CPPED1: variants seen among roughly 807,000 people sequenced by gnomAD.
The protein encoded by CPPED1 is serine/threonine-protein phosphatase CPPED1.
A neutral mutation model predicts 28.0 loss-of-function variants in CPPED1; 28 were observed. That is an observed-to-expected ratio of 1.00 (90% CI 0.74 to 1.37). CPPED1 has a LOEUF of 1.37. Ranked by LOEUF, CPPED1 falls within the 40% of genes most tolerant of loss-of-function variation. The pLI is 0.00. For missense variants in CPPED1, 504 were observed against 416.5 expected (o/e 1.21, Z -1.83); for synonymous variants, 198 against 180.2 (o/e 1.10, Z -0.79).
At chr16:12,730,891 A>G (rs939158410) in intron 2 of CPPED1, among the ~76,000 whole-genome samples, 6 of 152,290 alleles carry the variant, frequency 3.9e-5, no homozygotes, top group Middle Eastern at 3.4e-3. Flanking sequence ...CATTACCCGC[A>G]TTTTAGTTCC....
At chr16:12,727,348 A>C (rs1308840451) in intron 2 of CPPED1, among the ~76,000 whole-genome samples, 1 of 152,104 alleles carries the variant, frequency 6.6e-6, no homozygotes, top group Non-Finnish European at 1.5e-5. Flanking sequence ...TGGATATCAA[A>C]GCCTTTTGTT....
chr16:12,724,051 T>G (rs1252203929), intron 2 of CPPED1, among the ~76,000 whole-genome samples: 1 of 151,942 alleles, frequency 6.6e-6, no homozygotes, highest in Non-Finnish European at 1.5e-5. Flanking sequence ...AGAGCATACT[T>G]CCCCAAATAA....
intron 1 of CPPED1, among the ~76,000 whole-genome samples, chr16:12,789,566 C>T (rs1225604175): frequency 6.6e-6 from 1 of 151,772 alleles, no homozygotes; most frequent in Non-Finnish European, 1.5e-5. Flanking sequence ...CACTCTGTCA[C>T]CCAGGTTGGA....
chr16:12,705,053 G>A lies in CPPED1; in HGVS notation c.290-4C>T. The stretch of plus-strand genomic sequence containing the variant: ...TGCTCCGTCCGCCACGGCTTCCCTG[G>A]AAGAGTGAGGGTCACGTCCTGAGAA... On this transcript the variant is annotated splice_polypyrimidine_tract_variant and splice_region_variant and intron_variant, in intron 2 of 3. Coordinates refer to ENST00000381774, the MANE Select transcript of CPPED1 (RefSeq NM_018340.3). 1 of 1,603,140 alleles carries A rather than the reference G, an allele frequency of 6.2e-7. No individual in the cohort carries two copies. Among genetic ancestry groups the A allele is most frequent in the Non-Finnish European group, 8.5e-7 (1 of 1,172,460 alleles).
chr16:12,685,618 A>G (rs112694696), intron 3 of CPPED1, among the ~76,000 whole-genome samples: 2,863 of 152,136 alleles, frequency 0.019, 87 homozygotes, highest in African/African-American at 0.066. Flanking sequence ...GGACAAGGAC[A>G]TTTTTCTTCC....
chr16:12,738,195 A>G (rs2080236908), intron 2 of CPPED1, among the ~76,000 whole-genome samples: 1 of 152,204 alleles, frequency 6.6e-6, no homozygotes, highest in Non-Finnish European at 1.5e-5. Flanking sequence ...AGCCGTTCAC[A>G]ATGATGCTTG....
At chr16:12,672,712 T>C (rs2079858704) in intron 3 of CPPED1, among the ~76,000 whole-genome samples, 1 of 152,168 alleles carries the variant, frequency 6.6e-6, no homozygotes, top group Non-Finnish European at 1.5e-5. Context: ...ATTACAGTAG[T>C]GTAATGCTTC....
intron 2 of CPPED1, among the ~76,000 whole-genome samples, chr16:12,751,754 T>C (rs138273640): frequency 6.6e-6 from 1 of 152,218 alleles, no homozygotes; most frequent in Non-Finnish European, 1.5e-5. Context: ...TGATAATGTT[T>C]TACTTCTGAA....
chr16:12,762,780 G>A (rs2080416962), intron 2 of CPPED1, among the ~76,000 whole-genome samples: 4 of 152,082 alleles, frequency 2.6e-5, no homozygotes, highest in Admixed American at 6.5e-5. Context: ...GTTCCACTCT[G>A]TCCTCCAGGC....
At chr16:12,685,717 G>A (rs2079929289) in intron 3 of CPPED1, among the ~76,000 whole-genome samples, 1 of 152,076 alleles carries the variant, frequency 6.6e-6, no homozygotes, top group South Asian at 2.1e-4. Flanking sequence ...CCTCCTCAGG[G>A]AGGCCACCAG....
At position 12,665,108 on chromosome 16, in the gene CPPED1, T is replaced by C. The variant is rs1424174973; in HGVS notation, c.723A>G (p.Lys241=). The C allele has an allele frequency of 3.1e-6, 5 of 1,598,240 alleles. No individual in the cohort carries two copies. The African/African-American group carries it at 6.8e-5, about 22-fold the overall frequency. ...LADKFIHAGV[K]VVFSGHYHRN... ...TGTGGTAGTGGCCTGAGAACACGAC[T>C]TTGACACCTGCAGAGAAGGGAAAAA... Residue 241 remains lysine, a synonymous_variant, in exon 4 of 4, where the codon AAA becomes AAG. Coordinates refer to ENST00000381774, the MANE Select transcript of CPPED1 (RefSeq NM_018340.3).
At chr16:12,734,204 G>C (rs1437618115) in intron 2 of CPPED1, among the ~76,000 whole-genome samples, 2 of 150,786 alleles carry the variant, frequency 1.3e-5, no homozygotes, top group Admixed American at 1.3e-4. Flanking sequence ...CAAGTTGCTG[G>C]GATTACAAGC....
chr16:12,731,112 A>C (rs1954154328), intron 2 of CPPED1, among the ~76,000 whole-genome samples: 3 of 151,784 alleles, frequency 2.0e-5, no homozygotes, highest in African/African-American at 7.3e-5. Flanking sequence ...GTTCGAGACC[A>C]GCCTGGGCAA....
At chr16:12,712,161 T>C (rs1327559626) in intron 2 of CPPED1, among the ~76,000 whole-genome samples, 2 of 152,168 alleles carry the variant, frequency 1.3e-5, no homozygotes, top group African/African-American at 4.8e-5. Flanking sequence ...GATACATGGA[T>C]GAGACAGTGC....
chr16:12,782,015 GGCA>G, intron 1 of CPPED1, among the ~76,000 whole-genome samples: 1 of 152,118 alleles, frequency 6.6e-6, no homozygotes, highest in East Asian at 1.9e-4. Flanking sequence ...ACATTTCAAA[GGCA>G]GTAGGATGTG....
Position 12,704,712 on chromosome 16 carries a change from G to T in CPPED1, c.627C>A (p.Phe209Leu). 1.2e-6 allele frequency: 2 copies of T among 1,614,214 alleles called. No homozygotes were observed. Among genetic ancestry groups the T allele is most frequent in the Non-Finnish European group, 1.7e-6 (2 of 1,180,040 alleles). The stretch of plus-strand genomic sequence containing the variant: ...CGTCGTCCTCGTCGATGCTCTCCAG[G>T]AACAGCGGGATGTGCTGGAAGACGA... ...HAIVFQHIPL[F>L]LESIDEDDDY... The change falls in exon 3 of 4, where the codon TTC (phenylalanine) becomes TTA (leucine). Residue 209 changes from phenylalanine to leucine, a missense_variant. Phe to Leu is a conservative substitution (Grantham distance 22, BLOSUM62 0). Coordinates refer to ENST00000381774, the MANE Select transcript of CPPED1 (RefSeq NM_018340.3).
chr16:12,797,955 C>T (rs10852358), intron 1 of CPPED1, among the ~76,000 whole-genome samples: 42,774 of 151,700 alleles, frequency 0.28, 8,039 homozygotes, highest in African/African-American at 0.54. Flanking sequence ...TGGTGGTGCA[C>T]GCCTGTAGTC....
rs9930656 is a variant in CPPED1 at position 12,709,383 on chromosome 16, C to T, written c.290-4334G>A. 0.044 allele frequency among the ~76,000 whole-genome samples: 6,690 copies of T among 152,044 alleles called. 502 individuals are homozygous for T. The highest frequency in any genetic ancestry group is 0.15 in the African/African-American group (6,341 of 41,446). On this transcript the variant is annotated intron_variant, in intron 2 of 3. Coordinates refer to ENST00000381774, the MANE Select transcript of CPPED1 (RefSeq NM_018340.3). The surrounding 1 kb of genome is among the most constrained non-coding windows in gnomAD (Gnocchi z 4.4). ...AAGTGGGTGCCAAGAGTACAGGGAC[C>T]CCAATGTCAGCACACACCTGACCCC... is the stretch of plus-strand genomic sequence containing the variant.
intron 3 of CPPED1, among the ~76,000 whole-genome samples, chr16:12,675,306 T>C (rs1030419494): frequency 6.6e-6 from 1 of 152,242 alleles, no homozygotes; most frequent in African/African-American, 2.4e-5. Context: ...TTTTGAATTA[T>C]GAACTGCTGT....
Sources: gnomAD v4.1 joint callset for allele counts (sites outside exome capture counted in the v4.1 genomes callset) on GRCh38, gnomAD v4.1.1 for gene constraint, Gnocchi (gnomAD v3.1) non-coding constraint, MANE v1.5 for transcripts, NCBI Gene and HGNC (gene_info 2026-07-23, HGNC 2026-07-21) for gene names.